FER: variants seen among roughly 807,000 people sequenced by gnomAD.
FER encodes tyrosine-protein kinase Fer.
FER carries 63 observed loss-of-function variants against 111.0 expected under a neutral mutation model. The observed-to-expected ratio is 0.57, with a 90% confidence interval of 0.46 to 0.70. The LOEUF (loss-of-function observed/expected upper bound fraction) is 0.70. Among genes scored for constraint, FER ranks in the 30% least tolerant of loss-of-function variants. FER has a pLI of 0.00. For synonymous variants in FER, 327 were observed against 313.9 expected (o/e 1.04, Z -0.44); for missense variants, 914 against 954.0 (o/e 0.96, Z 0.55).
At position 109,191,810 on chromosome 5, in the gene FER, G is replaced by T. The variant is rs1355418696; in HGVS notation, c.*4235G>T. 6.6e-6 allele frequency: 1 copy of T among 151,238 alleles called. No individual in the cohort carries two copies. Among genetic ancestry groups the T allele is most frequent in the Non-Finnish European group, 1.5e-5 (1 of 67,822 alleles). 9.4% of individuals were successfully genotyped at this position (151,238 alleles called of 1,614,324 possible). ...CATCAAGTCTGAATACTATATTTTG[G>T]AAGAATCCAAAACCACATATGAAGA... On this transcript the variant is annotated 3_prime_UTR_variant, in exon 20 of 20. Transcript: ENST00000281092.
intron 13 of FER, among the ~76,000 whole-genome samples, chr5:108,974,789 G>T (rs775612194): frequency 6.6e-6 from 1 of 152,228 alleles, no homozygotes. Context: ...TCCAAGGAAT[G>T]ATGACAGCCT....
chr5:109,065,671 GA>G (rs1444424817), intron 16 of FER, among the ~76,000 whole-genome samples: 1 of 152,120 alleles, frequency 6.6e-6, no homozygotes, highest in Non-Finnish European at 1.5e-5. Context: ...CATTATGAAG[GA>G]TTACATATTA....
At chr5:108,833,924 A>T (rs974163555) in intron 4 of FER, among the ~76,000 whole-genome samples, 1 of 152,172 alleles carries the variant, frequency 6.6e-6, no homozygotes, top group Non-Finnish European at 1.5e-5. Context: ...CCTAAAAATA[A>T]TAATTCCTTC....
intron 10 of FER, among the ~76,000 whole-genome samples, chr5:108,907,785 A>T (rs1032581122): frequency 3.3e-5 from 5 of 152,196 alleles, no homozygotes; most frequent in Non-Finnish European, 1.5e-5. Context: ...AGGCTTCAGT[A>T]TTTAACACTC....
At chr5:109,065,021 A>G (rs1774914209) in intron 16 of FER, among the ~76,000 whole-genome samples, 1 of 152,182 alleles carries the variant, frequency 6.6e-6, no homozygotes. Flanking sequence ...TGCAAATGTT[A>G]GAGGTGTGAG....
At chr5:108,978,888 A>G (rs1561710108) in intron 13 of FER, among the ~76,000 whole-genome samples, 2 of 152,192 alleles carry the variant, frequency 1.3e-5, no homozygotes, top group African/African-American at 4.8e-5. Flanking sequence ...GAAAGAGCCA[A>G]TGAAACTAAA....
Position 108,894,848 on chromosome 5 carries a change from C to T in FER, c.1047-2811C>T, listed in dbSNP as rs190170513. ...ATCTCATGAGACTCACGTACTGCCG[C>T]GAGAACAGCACAGAAAAGACCCCCC... is the stretch of plus-strand genomic sequence containing the variant. On this transcript the variant is annotated intron_variant, in intron 9 of 19. Transcript: ENST00000281092. 2.2e-3 allele frequency among the ~76,000 whole-genome samples: 336 copies of T among 152,098 alleles called. 1 individual carries two copies. Among genetic ancestry groups the T allele is most frequent in the African/African-American group, 5.8e-3 (239 of 41,496 alleles).
At chr5:108,833,269 A>G (rs1047279368) in intron 4 of FER, among the ~76,000 whole-genome samples, 1 of 152,160 alleles carries the variant, frequency 6.6e-6, no homozygotes, top group East Asian at 1.9e-4. Context: ...AATACTTTGC[A>G]TAAATAAAAA....
intron 16 of FER, 43 bp downstream of exon 16, chr5:109,047,241 C>T (rs374068529): frequency 4.7e-4 from 528 of 1,118,542 alleles, no homozygotes; most frequent in Non-Finnish European, 6.5e-4. Flanking sequence ...ATTTTAATGT[C>T]ATGTTTTATT....
intron 17 of FER, among the ~76,000 whole-genome samples, chr5:109,122,739 G>T (rs746830269): frequency 6.6e-6 from 1 of 152,020 alleles, no homozygotes; most frequent in Non-Finnish European, 1.5e-5. Context: ...TTATATATCT[G>T]GGTGCTCAAG....
At chr5:109,148,975 C>G (rs1754528713) in intron 17 of FER, among the ~76,000 whole-genome samples, 1 of 151,928 alleles carries the variant, frequency 6.6e-6, no homozygotes. Flanking sequence ...AAAATATGAC[C>G]AAACTACATC....
At chr5:109,164,502 A>C (rs1234205338) in intron 17 of FER, among the ~76,000 whole-genome samples, 4 of 152,076 alleles carry the variant, frequency 2.6e-5, no homozygotes, top group African/African-American at 7.2e-5. Context: ...TGTTTTATAC[A>C]TTGCTCCTTT....
chr5:108,881,864 C>T (rs1765713317), intron 8 of FER, among the ~76,000 whole-genome samples: 1 of 151,946 alleles, frequency 6.6e-6, no homozygotes, highest in African/African-American at 2.4e-5. Flanking sequence ...CTCCAGATAC[C>T]ATTATATTGG....
intron 17 of FER, among the ~76,000 whole-genome samples, chr5:109,138,521 T>C (rs796945766): frequency 2.6e-4 from 40 of 152,306 alleles, no homozygotes; most frequent in African/African-American, 8.9e-4. Flanking sequence ...TAGTTTAAAA[T>C]ATAAAAGAAA....
chr5:109,065,590 C>T (rs1353453004), intron 16 of FER, among the ~76,000 whole-genome samples: 1 of 152,090 alleles, frequency 6.6e-6, no homozygotes, highest in East Asian at 1.9e-4. Context: ...AGCTTGGTGG[C>T]TCATCCCGTA....
chr5:108,847,336 T>A (rs1008989318), intron 5 of FER, among the ~76,000 whole-genome samples: 1 of 152,062 alleles, frequency 6.6e-6, no homozygotes, highest in African/African-American at 2.4e-5. Flanking sequence ...TAGAGTTTTT[T>A]AATTTTTTAA....
At chr5:108,838,754 C>T (rs904264574) in intron 5 of FER, among the ~76,000 whole-genome samples, 2 of 152,100 alleles carry the variant, frequency 1.3e-5, no homozygotes, top group African/African-American at 4.8e-5. Flanking sequence ...AAATTAAATG[C>T]ACCTTAAAAT....
intron 16 of FER, among the ~76,000 whole-genome samples, chr5:109,061,526 T>C (rs944315326): frequency 1.3e-5 from 2 of 152,198 alleles, no homozygotes; most frequent in African/African-American, 4.8e-5. Flanking sequence ...GTACTCTATT[T>C]CTACTATTGT....
chr5:108,798,120 A>G lies in FER; in HGVS notation c.-59-4A>G. On this transcript the variant is annotated splice_region_variant and splice_polypyrimidine_tract_variant and intron_variant, in intron 2 of 19. Coordinates refer to ENST00000281092, the MANE Select transcript of FER (RefSeq NM_005246.4). Reference sequence around the variant, plus strand: ...GAGTTTTTCTCTTTTGTTTACATACACAGATATGTGCTGATTAGAAGGCTC... The same window carrying G: ...GAGTTTTTCTCTTTTGTTTACATACGCAGATATGTGCTGATTAGAAGGCTC... The G allele has an allele frequency of 8.5e-7, 1 of 1,174,012 alleles. No individual in the cohort carries two copies. The highest frequency in any genetic ancestry group is 1.2e-6 in the Non-Finnish European group (1 of 820,686). The allele number at this position is 1,174,012 out of a possible 1,614,324, so 72.7% of individuals were successfully genotyped here.
Sources: gnomAD v4.1 joint callset for allele counts (sites outside exome capture counted in the v4.1 genomes callset) on GRCh38, gnomAD v4.1.1 for gene constraint, MANE v1.5 for transcripts, NCBI Gene and HGNC (gene_info 2026-07-23, HGNC 2026-07-21) for gene names.